Variants in TAS2R38 observed in about 807,000 individuals in gnomAD.
The protein encoded by TAS2R38 is taste 2 receptor member 38.
In TAS2R38, 11 loss-of-function variants were observed where a neutral mutation model predicts 16.4. The observed-to-expected ratio is 0.67, with a 90% CI of 0.42 to 1.11. The LOEUF is 1.11. Among genes scored for constraint, TAS2R38 ranks in the 50% least tolerant of loss-of-function variants. The probability of loss-of-function intolerance (pLI) is 0.00; values close to 1 mark genes in which losing one functional copy is unlikely to be tolerated. For synonymous variants in TAS2R38, 149 were observed against 155.6 expected (o/e 0.96, Z 0.32); for missense variants, 364 against 395.8 (o/e 0.92, Z 0.68).
In TAS2R38 at chr7:141,972,654, G is replaced by A. The variant is rs782349234; in HGVS notation, c.*34C>T. 1 of 1,559,278 alleles carries A rather than the reference G, an allele frequency of 6.4e-7. No individual in the cohort carries two copies. Among genetic ancestry groups the A allele is most frequent in the Admixed American group, 1.9e-5 (1 of 53,036 alleles). On this transcript the variant is annotated 3_prime_UTR_variant, in exon 1 of 1. Transcript: ENST00000547270. ...GAGGCATATTTATGAAGACTCACAG[G>A]CGTATTAATGAAGAGCTCATTTCAT...
rs782596072 is a variant in TAS2R38, at chr7:141,972,851, A to G, written c.839T>C (p.Met280Thr). ...LILWRDKIGV[M>T]VCVGIMAACP... The stretch of plus-strand genomic sequence containing the variant: ...AGCTGCCATTATCCCAACACAAACC[A>G]TCACCCCTATTTTGTCGCGCCACAG... The change falls in exon 1 of 1, where the codon ATG becomes ACG. Residue 280 changes from methionine to threonine, a missense_variant. Physicochemically the swap from Met to Thr is moderately conservative, Grantham distance 81. Coordinates refer to ENST00000547270, the MANE Select transcript of TAS2R38 (RefSeq NM_176817.5). The G allele has an allele frequency of 1.2e-6, 2 of 1,614,070 alleles. No individual in the cohort carries two copies. Among genetic ancestry groups the G allele is most frequent in the Non-Finnish European group, 1.7e-6 (2 of 1,180,020 alleles).
At position 141,973,468 on chromosome 7, in the gene TAS2R38, A is replaced by G. The variant is rs782169945; in HGVS notation, c.222T>C (p.Ser74=). The G allele has an allele frequency of 6.2e-6, 10 of 1,614,108 alleles. No homozygotes were observed. The highest frequency in any genetic ancestry group is 7.6e-6 in the Non-Finnish European group (9 of 1,180,000). Residue 74 remains serine, a synonymous_variant, in exon 1 of 1, where the codon AGT becomes AGC. Coordinates refer to ENST00000547270, the MANE Select transcript of TAS2R38 (RefSeq NM_176817.5). ...TCTGGAAGTGGGTAAGCTGGATAGCACTCAGGAACAGCAGTCCATGCAGGA... is the reference window on the plus strand; with the variant it reads ...TCTGGAAGTGGGTAAGCTGGATAGCGCTCAGGAACAGCAGTCCATGCAGGA... ...RLFLHGLLFL[S]AIQLTHFQKL...
At position 141,973,522 on chromosome 7, in the gene TAS2R38, C is replaced by T; in HGVS notation, c.168G>A (p.Val56=). The T allele has an allele frequency of 6.2e-7, 1 of 1,614,112 alleles. No homozygotes were observed. Among genetic ancestry groups the T allele is most frequent in the Non-Finnish European group, 8.5e-7 (1 of 1,180,028 alleles). ...KRQALSNSDC[V]LLCLSISRLF... ...GCCGGCTGATGCTGAGACACAGCAG[C>T]ACACAATCACTGTTGCTCAGTGCCT... Residue 56 remains valine, a synonymous_variant, in exon 1 of 1, where the codon GTG becomes GTA. Transcript: ENST00000547270.
In TAS2R38 at chr7:141,972,698, G is replaced by A; in HGVS notation, c.992C>T (p.Thr331Ile). Residue 331 changes from threonine (T) to isoleucine (I), a missense_variant, in exon 1 of 1, where the codon ACA (threonine) becomes ATA (isoleucine). Transcript: ENST00000547270. Reference sequence around the variant, plus strand: ...ATTTCATGTCCATTCTCAGCACAGTGTCCGGGAATCTGCCTTGTGGTCGGC... The same window carrying A: ...ATTTCATGTCCATTCTCAGCACAGTATCCGGGAATCTGCCTTGTGGTCGGC... ...VRADHKADSR[T>I]LC 1 of 1,610,488 alleles carries A rather than the reference G, an allele frequency of 6.2e-7. No individual in the cohort carries two copies. The highest frequency in any genetic ancestry group is 1.3e-5 in the African/African-American group (1 of 74,980).
In TAS2R38 at chr7:141,973,160, T is replaced by C. The variant is rs782368527; in HGVS notation, c.530A>G (p.Asn177Ser). 1.2e-6 allele frequency: 2 copies of C among 1,614,068 alleles called. No homozygotes were observed. The highest frequency in any genetic ancestry group is 1.7e-5 in the Admixed American group (1 of 60,002). The change falls in exon 1 of 1, where the codon AAT becomes AGT. Residue 177 changes from asparagine to serine, a missense_variant. Transcript: ENST00000547270. ...CTGCCAGTTGAGCCTTGTATTGTTA[T>C]TCATGAATAGCACAGTTGTGACTGT... The part of the protein sequence containing the change: ...HFTVTTVLFM[N>S]NNTRLNWQIK...
Position 141,973,234 on chromosome 7 carries a change from G to A in TAS2R38, c.456C>T (p.Cys152=). ...ACCAAACACAGAGGACAGTGCAGAT[G>A]CAGGAGCAAAGAATAATACCCAGGA... ...QMLLGIILCS[C]ICTVLCVWCF... Residue 152 remains cysteine, a synonymous_variant, in exon 1 of 1, where the codon TGC becomes TGT. Transcript: ENST00000547270. The A allele has an allele frequency of 6.2e-7, 1 of 1,614,146 alleles. No homozygotes were observed. The highest frequency in any genetic ancestry group is 8.5e-7 in the Non-Finnish European group (1 of 1,180,014).
rs782378859 is a variant in TAS2R38 at position 141,972,677 on chromosome 7, C to T, written c.*11G>A. On this transcript the variant is annotated 3_prime_UTR_variant, in exon 1 of 1. Coordinates refer to ENST00000547270, the MANE Select transcript of TAS2R38 (RefSeq NM_176817.5). ...AGGCGTATTAATGAAGAGCTCATTT[C>T]ATGTCCATTCTCAGCACAGTGTCCG... 4.4e-6 allele frequency: 7 copies of T among 1,589,274 alleles called. No individual in the cohort carries two copies. In the South Asian group the frequency reaches 5.7e-5, roughly 13 times the overall value.
Position 141,972,759 on chromosome 7 carries a change from T to C in TAS2R38, c.931A>G (p.Ile311Val). ...AGGCTGCTCTGAGCCCAGAGCAGAA[T>C]GGTCATCACAGCTCTCCTCAACTTG... The part of the protein sequence containing the change: ...NAKLRRAVMT[I>V]LLWAQSSLKV... The change falls in exon 1 of 1, where the codon ATT (isoleucine) becomes GTT (valine). Residue 311 changes from isoleucine to valine, a missense_variant. Ile to Val is a conservative substitution (Grantham distance 29). Coordinates refer to ENST00000547270, the MANE Select transcript of TAS2R38 (RefSeq NM_176817.5). 1 of 1,614,138 alleles carries C rather than the reference T, an allele frequency of 6.2e-7. No individual in the cohort carries two copies. Among genetic ancestry groups the C allele is most frequent in the Non-Finnish European group, 8.5e-7 (1 of 1,179,998 alleles).
Position 141,973,213 on chromosome 7 carries a change from AAC to A in TAS2R38, c.475_476del (p.Val159LeufsTer5). ...LCSCICTVLC[V>X]WCFFSRPHFT... is the part of the protein sequence containing the mutation. The stretch of plus-strand genomic sequence containing the variant: ...AGTGAGGTCTGCTAAAAAAGCACCA[AAC>A]ACAGAGGACAGTGCAGATGCAGGAG... On this transcript the variant is annotated frameshift_variant, in exon 1 of 1. Coordinates refer to ENST00000547270, the MANE Select transcript of TAS2R38 (RefSeq NM_176817.5). LOFTEE classifies it high-confidence loss of function. 1 of 1,614,116 alleles carries A rather than the reference AAC, an allele frequency of 6.2e-7. No homozygotes were observed.
In TAS2R38 at chr7:141,973,635, G is replaced by A. The variant is rs371175533; in HGVS notation, c.55C>T (p.Leu19=). 17 of 1,614,118 alleles carry A rather than the reference G, an allele frequency of 1.1e-5. No homozygotes were observed. Among genetic ancestry groups the A allele is most frequent in the Non-Finnish European group, 1.4e-5 (17 of 1,180,008 alleles). ...GCAAACTCCAGGACTGAAATGAACA[G>A]AAATGTACTCCTGACTTCATAGGAC... ...TVSYEVRSTF[L]FISVLEFAVG... Residue 19 remains leucine, a synonymous_variant, in exon 1 of 1, where the codon CTG becomes TTG. Transcript: ENST00000547270.
chr7:141,972,768 C>G lies in TAS2R38; in HGVS notation c.922G>C (p.Val308Leu), dbSNP rs1554444328. The change falls in exon 1 of 1, where the codon GTG (valine) becomes CTG (leucine). Residue 308 changes from valine (V) to leucine (L), a missense_variant. Transcript: ENST00000547270. ...TGAGCCCAGAGCAGAATGGTCATCA[C>G]AGCTCTCCTCAACTTGGCATTGCCT... ...ISGNAKLRRA[V>L]MTILLWAQSS... is the part of the protein sequence containing the mutation. The G allele has an allele frequency of 9.9e-6, 16 of 1,613,980 alleles. No homozygotes were observed. Among genetic ancestry groups the G allele is most frequent in the African/African-American group, 1.3e-5 (1 of 74,922 alleles).
Position 141,973,526 on chromosome 7 carries a change from C to A in TAS2R38, c.164G>T (p.Cys55Phe). 6.2e-7 allele frequency: 1 copy of A among 1,614,146 alleles called. No homozygotes were observed. Among genetic ancestry groups the A allele is most frequent in the Non-Finnish European group, 8.5e-7 (1 of 1,180,036 alleles). The change falls in exon 1 of 1, where the codon TGT (cysteine) becomes TTT (phenylalanine). Residue 55 changes from cysteine (C) to phenylalanine (F), a missense_variant. Cys to Phe is a radical substitution (Grantham distance 205). Transcript: ENST00000547270. ...GCTGATGCTGAGACACAGCAGCACA[C>A]AATCACTGTTGCTCAGTGCCTGCCT... ...VKRQALSNSD[C>F]VLLCLSISRL...
chr7:141,972,730 C>A lies in TAS2R38; in HGVS notation c.960G>T (p.Lys320Asn), dbSNP rs1554444315. The change falls in exon 1 of 1, where the codon AAG (lysine) becomes AAT (asparagine). Residue 320 changes from lysine to asparagine, a missense_variant. Coordinates refer to ENST00000547270, the MANE Select transcript of TAS2R38 (RefSeq NM_176817.5). ...AATCTGCCTTGTGGTCGGCTCTTAC[C>A]TTCAGGCTGCTCTGAGCCCAGAGCA... ...TILLWAQSSL[K>N]VRADHKADSR... The A allele has an allele frequency of 1.2e-6, 2 of 1,613,880 alleles. No homozygotes were observed. The highest frequency in any genetic ancestry group is 1.7e-6 in the Non-Finnish European group (2 of 1,179,906).
In TAS2R38 at chr7:141,973,123, G is replaced by A; in HGVS notation, c.567C>T (p.Leu189=). The change falls in exon 1 of 1, where the codon CTC becomes CTT. Residue 189 remains leucine, a synonymous_variant. Transcript: ENST00000547270. ...AGAAGAGAAAGGAATAAAATAAATT[G>A]AGATCTTTAATCTGCCAGTTGAGCC... The part of the protein sequence containing the change: ...NTRLNWQIKD[L]NLFYSFLFCY... 6.2e-7 allele frequency: 1 copy of A among 1,614,038 alleles called. No individual in the cohort carries two copies. The highest frequency in any genetic ancestry group is 8.5e-7 in the Non-Finnish European group (1 of 1,180,014).
chr7:141,972,947 G>A lies in TAS2R38; in HGVS notation c.743C>T (p.Ser248Phe). The change falls in exon 1 of 1, where the codon TCT (serine) becomes TTT (phenylalanine). Residue 248 changes from serine (S) to phenylalanine (F), a missense_variant. Ser to Phe is a radical substitution (Grantham distance 155). Coordinates refer to ENST00000547270, the MANE Select transcript of TAS2R38 (RefSeq NM_176817.5). Reference sequence around the variant, plus strand: ...AAAGAAGCAGAAAAAGGAGACAAGAGACTTGAGGGCTTTAATGTGGGCCTC... The same window carrying A: ...AAAGAAGCAGAAAAAGGAGACAAGAAACTTGAGGGCTTTAATGTGGGCCTC... ...SLEAHIKALKSLVSFFCFFVI... is the reference protein window; with the variant it reads ...SLEAHIKALKFLVSFFCFFVI... 6.2e-7 allele frequency: 1 copy of A among 1,614,100 alleles called. No individual in the cohort carries two copies. Among genetic ancestry groups the A allele is most frequent in the East Asian group, 2.2e-5 (1 of 44,864 alleles).
In TAS2R38 at chr7:141,972,940, G is replaced by C. The variant is rs575623439; in HGVS notation, c.750C>G (p.Val250=). The change falls in exon 1 of 1, where the codon GTC becomes GTG. Residue 250 remains valine, a synonymous_variant. Coordinates refer to ENST00000547270, the MANE Select transcript of TAS2R38 (RefSeq NM_176817.5). ...ATATCACAAAGAAGCAGAAAAAGGA[G>C]ACAAGAGACTTGAGGGCTTTAATGT... ...EAHIKALKSL[V]SFFCFFVISS... 1.9e-6 allele frequency: 3 copies of C among 1,614,106 alleles called. No individual in the cohort carries two copies. The African/African-American group carries it at 4.0e-5, about 22-fold the overall frequency.
At position 141,973,454 on chromosome 7, in the gene TAS2R38, G is replaced by A. The variant is rs201467355; in HGVS notation, c.236C>T (p.Thr79Ile). 2 of 1,614,152 alleles carry A rather than the reference G, an allele frequency of 1.2e-6. No individual in the cohort carries two copies. Among genetic ancestry groups the A allele is most frequent in the Non-Finnish European group, 1.7e-6 (2 of 1,180,032 alleles). ...GLLFLSAIQL[T>I]HFQKLSEPLN... ...TGGTTCACTCAACTTCTGGAAGTGG[G>A]TAAGCTGGATAGCACTCAGGAACAG... is the stretch of plus-strand genomic sequence containing the variant. Residue 79 changes from threonine to isoleucine, a missense_variant, in exon 1 of 1, where the codon ACC becomes ATC. Thr to Ile is a moderately conservative substitution (Grantham distance 89). Coordinates refer to ENST00000547270, the MANE Select transcript of TAS2R38 (RefSeq NM_176817.5).
chr7:141,973,369 GA>G lies in TAS2R38; in HGVS notation c.320del (p.Leu107ProfsTer23). On this transcript the variant is annotated frameshift_variant, in exon 1 of 1. Coordinates refer to ENST00000547270, the MANE Select transcript of TAS2R38 (RefSeq NM_176817.5). LOFTEE classifies it high-confidence loss of function. ...GCAGGCTGAGGCAGGCAGCAAGCCA[GA>G]GGTTGGCTTGGTTTGCAATCATCCA... The part of the protein sequence containing the change: ...MLWMIANQAN[L>X]WLAACLSLLY... 6.2e-7 allele frequency: 1 copy of G among 1,614,092 alleles called. No homozygotes were observed. Among genetic ancestry groups the G allele is most frequent in the South Asian group, 1.1e-5 (1 of 91,070 alleles).
At position 141,973,250 on chromosome 7, in the gene TAS2R38, A is replaced by G. The variant is rs781862689; in HGVS notation, c.440T>C (p.Ile147Thr). Residue 147 changes from isoleucine (I) to threonine (T), a missense_variant, in exon 1 of 1, where the codon ATT becomes ACT. Transcript: ENST00000547270. ...SRKISQMLLG[I>T]ILCSCICTVL... is the part of the protein sequence containing the mutation. ...AGTGCAGATGCAGGAGCAAAGAATA[A>G]TACCCAGGAGCATCTGGGAGATCTT... The G allele has an allele frequency of 5.6e-5, 90 of 1,613,968 alleles. No homozygotes were observed. In the South Asian group the frequency reaches 9.6e-4, roughly 17 times the overall value.
Sources: gnomAD v4.1 joint callset for allele counts on GRCh38, gnomAD v4.1.1 for gene constraint, MANE v1.5 for transcripts, NCBI Gene and HGNC (gene_info 2026-07-23, HGNC 2026-07-21) for gene names.